Variants in DAD1 observed in about 807,000 individuals in gnomAD.
DAD1 encodes the protein dolichyl-diphosphooligosaccharide--protein glycosyltransferase subunit DAD1.
A neutral mutation model predicts 9.0 loss-of-function variants in DAD1; 4 were observed. That is an observed-to-expected ratio of 0.44 (90% CI 0.22 to 1.01). The LOEUF (loss-of-function observed/expected upper bound fraction) is 1.01, where lower values mean the gene tolerates loss of function less well. Among genes scored for constraint, DAD1 ranks in the 50% least tolerant of loss-of-function variants. The pLI is 0.24. For missense variants in DAD1, 119 were observed against 137.3 expected (o/e 0.87, Z 0.67); for synonymous variants, 60 against 62.5 (o/e 0.96, Z 0.19).
intron 1 of DAD1, among the ~76,000 whole-genome samples, chr14:22,586,159 T>C (rs1254832500): frequency 2.7e-5 from 4 of 146,228 alleles, no homozygotes. Context: ...TGAGCCGAGA[T>C]GGCGCACTCC....
At chr14:22,566,364 T>G (rs1213291072) in intron 2 of DAD1, among the ~76,000 whole-genome samples, 1 of 152,144 alleles carries the variant, frequency 6.6e-6, no homozygotes, top group African/African-American at 2.4e-5. Flanking sequence ...GACAGAGTTT[T>G]GTGCTTGTTG....
intron 1 of DAD1, among the ~76,000 whole-genome samples, chr14:22,586,809 C>T (rs540925844): frequency 6.6e-6 from 1 of 152,262 alleles, no homozygotes; most frequent in African/African-American, 2.4e-5. Flanking sequence ...TAACAAATGG[C>T]AGAAGAGGCA....
At chr14:22,583,710 C>G (rs1485653613) in intron 1 of DAD1, among the ~76,000 whole-genome samples, 1 of 151,940 alleles carries the variant, frequency 6.6e-6, no homozygotes, top group African/African-American at 2.4e-5. Context: ...GGAATAATTG[C>G]AGAAGCGGAG....
chr14:22,564,969 G>A lies in DAD1; in HGVS notation c.*213C>T, dbSNP rs954575009. 1 of 617,010 alleles carries A rather than the reference G, an allele frequency of 1.6e-6. No homozygotes were observed. Among genetic ancestry groups the A allele is most frequent in the Non-Finnish European group, 2.9e-6 (1 of 345,640 alleles). The allele number at this position is 617,010 out of a possible 1,614,324, so 38.2% of individuals were successfully genotyped here. ...AGGTTACATTTAATGAAAGGCAGAG[G>A]CTGGATTAATAAATGTTTGTTAGAA... On this transcript the variant is annotated 3_prime_UTR_variant, in exon 3 of 3. Coordinates refer to ENST00000250498, the MANE Select transcript of DAD1 (RefSeq NM_001344.4).
chr14:22,564,970 C>A lies in DAD1; in HGVS notation c.*212G>T, dbSNP rs916738981. 4.9e-6 allele frequency: 3 copies of A among 614,296 alleles called. No individual in the cohort carries two copies. Among genetic ancestry groups the A allele is most frequent in the African/African-American group, 3.7e-5 (2 of 53,518 alleles). 38.1% of individuals were successfully genotyped at this position (614,296 alleles called of 1,614,324 possible). ...GGTTACATTTAATGAAAGGCAGAGGCTGGATTAATAAATGTTTGTTAGAAA... is the reference window on the plus strand; with the variant it reads ...GGTTACATTTAATGAAAGGCAGAGGATGGATTAATAAATGTTTGTTAGAAA... On this transcript the variant is annotated 3_prime_UTR_variant, in exon 3 of 3. Coordinates refer to ENST00000250498, the MANE Select transcript of DAD1 (RefSeq NM_001344.4).
intron 1 of DAD1, among the ~76,000 whole-genome samples, chr14:22,584,876 G>C (rs1009399602): frequency 1.2e-4 from 18 of 152,232 alleles, no homozygotes; most frequent in Non-Finnish European, 2.5e-4. Context: ...AATAGAAGAT[G>C]GACTGGAAAC....
At chr14:22,568,718 A>T (rs1447177018) in intron 2 of DAD1, among the ~76,000 whole-genome samples, 1 of 143,310 alleles carries the variant, frequency 7.0e-6, no homozygotes, top group Non-Finnish European at 1.5e-5. Context: ...TTTTTTTGAG[A>T]CAGGTTCTCA....
At chr14:22,566,209 C>T (rs2037001153) in intron 2 of DAD1, among the ~76,000 whole-genome samples, 1 of 152,198 alleles carries the variant, frequency 6.6e-6, no homozygotes, top group African/African-American at 2.4e-5. Context: ...AGAGCAATAA[C>T]AGGAAGCAAA....
At chr14:22,588,817 C>G in intron 1 of DAD1, 130 bp downstream of exon 1, 1 of 921,040 alleles carries the variant, frequency 1.1e-6, no homozygotes, top group Non-Finnish European at 1.6e-6. Flanking sequence ...TTTCCCCATT[C>G]ACAACAAAAG....
At chr14:22,581,743 C>CA (rs59052046) in intron 1 of DAD1, among the ~76,000 whole-genome samples, 10,597 of 36,672 alleles carry the variant, frequency 0.29, 2,681 homozygotes, top group East Asian at 0.42. Context: ...AACTCCATCT[C>CA]AAAAAAAAAA....
rs1397833913 is a variant in DAD1, at chr14:22,565,140, A to T, written c.*45-3T>A. Reference sequence around the variant, plus strand: ...TCCAGGAAATTCAAAGAGTGAACCTAGAAGAAAAAAGCAGCAAGGTTAAAT... The same window carrying T: ...TCCAGGAAATTCAAAGAGTGAACCTTGAAGAAAAAAGCAGCAAGGTTAAAT... On this transcript the variant is annotated splice_region_variant and splice_polypyrimidine_tract_variant and intron_variant, in intron 2 of 2. Coordinates refer to ENST00000250498, the MANE Select transcript of DAD1 (RefSeq NM_001344.4). The T allele has an allele frequency of 1.4e-6, 1 of 702,208 alleles. No individual in the cohort carries two copies. The highest frequency in any genetic ancestry group is 1.7e-5 in the African/African-American group (1 of 57,246). The allele number at this position is 702,208 out of a possible 1,614,324, so 43.5% of individuals were successfully genotyped here. A position where few individuals can be genotyped will look rare whatever the true frequency, so the allele number is the denominator to read the frequency against.
Position 22,589,219 on chromosome 14 carries a change from G to A in DAD1, c.-62C>T, listed in dbSNP as rs1002139261. 96 of 1,562,884 alleles carry A rather than the reference G, an allele frequency of 6.1e-5. 1 individual carries two copies. The highest frequency in any genetic ancestry group is 3.6e-4 in the South Asian group (32 of 88,848). The stretch of plus-strand genomic sequence containing the variant: ...TCTTGGAGGACCCGTCGACCACACC[G>A]GATGTGCTGTTTGCGCATGCGCACC... On this transcript the variant is annotated 5_prime_UTR_variant, in exon 1 of 3. Coordinates refer to ENST00000250498, the MANE Select transcript of DAD1 (RefSeq NM_001344.4).
chr14:22,574,029 C>T (rs2037060941), intron 2 of DAD1, among the ~76,000 whole-genome samples: 1 of 152,122 alleles, frequency 6.6e-6, no homozygotes, highest in South Asian at 2.1e-4. Context: ...CCTAGGATAT[C>T]CTTCCCCCAA....
intron 1 of DAD1, among the ~76,000 whole-genome samples, chr14:22,577,446 G>A (rs532702089): frequency 6.6e-6 from 1 of 152,246 alleles, no homozygotes; most frequent in African/African-American, 2.4e-5. Flanking sequence ...GAGGTTGGGA[G>A]GGTGGGGGAT....
At chr14:22,580,949 A>T (rs2037112204) in intron 1 of DAD1, among the ~76,000 whole-genome samples, 1 of 152,170 alleles carries the variant, frequency 6.6e-6, no homozygotes, top group Admixed American at 6.5e-5. Flanking sequence ...CAAAAAAAAA[A>T]GCCTGTTCAA....
At chr14:22,584,348 A>T (rs886236884) in intron 1 of DAD1, among the ~76,000 whole-genome samples, 1 of 151,990 alleles carries the variant, frequency 6.6e-6, no homozygotes, top group Non-Finnish European at 1.5e-5. Context: ...TATCTCTCTC[A>T]CACACACACA....
In DAD1 at chr14:22,579,813, G is replaced by C. The variant is rs141803632; in HGVS notation, c.212-4580C>G. Among the ~76,000 whole-genome samples the C allele has an allele frequency of 1.6e-3, 230 of 146,914 alleles. 2 individuals carry two copies. The highest frequency in any genetic ancestry group is 5.6e-3 in the African/African-American group (222 of 39,940). ...GTACATTGACAGCAAACATATCTAA[G>C]ACTTATTAAGTGAAAAAAAGCCAAT... is the stretch of plus-strand genomic sequence containing the variant. On this transcript the variant is annotated intron_variant, in intron 1 of 2. Transcript: ENST00000250498.
Position 22,588,761 on chromosome 14 carries a change from G to C in DAD1, c.211+186C>G, listed in dbSNP as rs5742732. On this transcript the variant is annotated intron_variant, in intron 1 of 2. Transcript: ENST00000250498. ...TAGACTTTTAAGTCCAACTCCTACG[G>C]AGCCGTTTGGTATTAGGCATATAAT... Among the ~76,000 whole-genome samples the C allele has an allele frequency of 0.31, 46,729 of 152,060 alleles. 8,950 individuals carry two copies. Among genetic ancestry groups the C allele is most frequent in the African/African-American group, 0.54 (22,550 of 41,448 alleles).
chr14:22,573,953 A>G (rs5742805), intron 2 of DAD1, among the ~76,000 whole-genome samples: 13,991 of 152,164 alleles, frequency 0.092, 1,186 homozygotes, highest in African/African-American at 0.22. Context: ...TCTAACTCTT[A>G]TACTAGATTT....
Sources: gnomAD v4.1 joint callset for allele counts (sites outside exome capture counted in the v4.1 genomes callset) on GRCh38, gnomAD v4.1.1 for gene constraint, MANE v1.5 for transcripts, NCBI Gene and HGNC (gene_info 2026-07-23, HGNC 2026-07-21) for gene names.